The following LRRC49 variants were observed in gnomAD, a reference collection of about 807,000 sequenced individuals.
The protein encoded by LRRC49 is leucine-rich repeat-containing protein 49.
Under a neutral mutation model 83.3 loss-of-function variants are expected in LRRC49, and 50 were observed. That is an observed-to-expected ratio of 0.60 (90% CI 0.48 to 0.76). LRRC49 has a LOEUF of 0.76. Ranked by LOEUF, LRRC49 falls within the 30% of genes least tolerant of loss-of-function variation. LRRC49 has a pLI of 0.00. For missense variants in LRRC49, 704 were observed against 809.1 expected (o/e 0.87, Z 1.58); for synonymous variants, 286 against 283.3 (o/e 1.01, Z -0.10).
At chr15:70,925,454 A>G (rs748124034) in intron 7 of LRRC49, among the ~76,000 whole-genome samples, 1 of 152,154 alleles carries the variant, frequency 6.6e-6, no homozygotes, top group Non-Finnish European at 1.5e-5. Flanking sequence ...GCTGTATTAC[A>G]TTTGTTACTG....
intron 3 of LRRC49, among the ~76,000 whole-genome samples, chr15:70,899,153 T>A (rs910041588): frequency 1.4e-4 from 21 of 152,326 alleles, no homozygotes; most frequent in Admixed American, 1.0e-3. Flanking sequence ...GTAAATTTAA[T>A]CTTTGGTTAT....
chr15:70,891,498 TA>T (rs1265206064), upstream of LRRC49, among the ~76,000 whole-genome samples: 4 of 151,724 alleles, frequency 2.6e-5, no homozygotes, highest in African/African-American at 7.3e-5. Flanking sequence ...TTGCTCAAAT[TA>T]AACCCTTTCT....
rs1354872368 is a variant in LRRC49, at chr15:70,958,694, C to A, written c.774-5091C>A. 2.0e-5 allele frequency among the ~76,000 whole-genome samples: 3 copies of A among 152,284 alleles called. No homozygotes were observed. In the East Asian group the frequency reaches 5.8e-4, roughly 29 times the overall value. ...TAAGTTTAAATTTATAAACTCACAT[C>A]TTCACCTTCATATACTAGTTTGTTA... On this transcript the variant is annotated intron_variant, in intron 8 of 15. Transcript: ENST00000260382.
chr15:71,039,762 C>T (rs1009362527), intron 15 of LRRC49, among the ~76,000 whole-genome samples: 7 of 152,144 alleles, frequency 4.6e-5, no homozygotes, highest in African/African-American at 1.4e-4. Flanking sequence ...CTAAACATGC[C>T]AATTTACATT....
intron 11 of LRRC49, among the ~76,000 whole-genome samples, chr15:70,993,776 G>A (rs2037980581): frequency 6.6e-6 from 1 of 152,064 alleles, no homozygotes; most frequent in Admixed American, 6.5e-5. Context: ...GTTTATCCAA[G>A]TAATATGGAA....
chr15:70,892,976 A>T, intron 1 of LRRC49, 34 bp downstream of exon 1: 1 of 1,610,250 alleles, frequency 6.2e-7, no homozygotes, highest in Non-Finnish European at 8.5e-7. Context: ...CTTTCTTCCC[A>T]CTGGTACTCT....
chr15:70,895,305 C>T (rs1186117079), intron 2 of LRRC49, among the ~76,000 whole-genome samples: 2 of 151,954 alleles, frequency 1.3e-5, no homozygotes, highest in Non-Finnish European at 2.9e-5. Context: ...CTTAAATATA[C>T]AATTTTATTA....
Position 71,049,482 on chromosome 15 carries a change from TG to T in LRRC49, c.1932del (p.Met644IlefsTer23). 1 of 1,613,734 alleles carries T rather than the reference TG, an allele frequency of 6.2e-7. No homozygotes were observed. Among genetic ancestry groups the T allele is most frequent in the Non-Finnish European group, 8.5e-7 (1 of 1,179,686 alleles). The part of the protein sequence containing the change: ...DLVKEATEIN[M>X]KNEALQKLWP... Reference sequence around the variant, plus strand: ...GTGAAGGAAGCCACAGAAATCAACATGAAAAATGAGGCTTTGCAGAAGCTTT... The same window carrying T: ...GTGAAGGAAGCCACAGAAATCAACATAAAAATGAGGCTTTGCAGAAGCTTT... On this transcript the variant is annotated frameshift_variant, in exon 16 of 16. Transcript: ENST00000260382. LOFTEE classifies it high-confidence loss of function.
chr15:70,853,691 G>C (rs545371462), intron 1 of LRRC49, among the ~76,000 whole-genome samples: 82 of 152,252 alleles, frequency 5.4e-4, no homozygotes, highest in Middle Eastern at 6.8e-3. Context: ...GTTGGGCGAC[G>C]AAGCTGCGGG....
upstream of LRRC49, among the ~76,000 whole-genome samples, chr15:70,887,919 A>G (rs1406016612): frequency 6.6e-6 from 1 of 152,218 alleles, no homozygotes; most frequent in African/African-American, 2.4e-5. Flanking sequence ...ATGCACTTAT[A>G]GATTATAAAA....
intron 8 of LRRC49, among the ~76,000 whole-genome samples, chr15:70,944,402 TG>T (rs750286038): frequency 1.7e-4 from 26 of 152,164 alleles, no homozygotes; most frequent in Non-Finnish European, 3.8e-4. Context: ...ATTTCCATAT[TG>T]CTCTTTTTTT....
chr15:70,986,925 G>T (rs1344151489), intron 11 of LRRC49, among the ~76,000 whole-genome samples: 1 of 152,156 alleles, frequency 6.6e-6, no homozygotes, highest in Admixed American at 6.5e-5. Context: ...CTGTTTATAT[G>T]CTGGATTACA....
At chr15:70,867,977 C>T (rs1390578090) in intron 1 of LRRC49, among the ~76,000 whole-genome samples, 2 of 152,096 alleles carry the variant, frequency 1.3e-5, no homozygotes, top group East Asian at 3.9e-4. Flanking sequence ...CCGGCAGCTC[C>T]GTTTCTGGGT....
chr15:70,891,565 C>CTGTGTGTGTG (rs1491474980), upstream of LRRC49, among the ~76,000 whole-genome samples: 5 of 118,952 alleles, frequency 4.2e-5, no homozygotes, highest in South Asian at 3.0e-4. Context: ...CAGGACAAGA[C>CTGTGTGTGTG]TCTGTGTGTG....
intron 8 of LRRC49, among the ~76,000 whole-genome samples, chr15:70,954,297 T>A (rs2036322488): frequency 1.3e-5 from 2 of 152,216 alleles, no homozygotes; most frequent in Non-Finnish European, 2.9e-5. Flanking sequence ...TTCAGTTTGG[T>A]CTTTTTTTAA....
intron 14 of LRRC49, among the ~76,000 whole-genome samples, chr15:71,030,936 A>G (rs551292633): frequency 2.0e-5 from 3 of 150,912 alleles, no homozygotes; most frequent in African/African-American, 7.2e-5. Flanking sequence ...TATCAAGAAC[A>G]TTGGGTTAGA....
chr15:70,928,284 A>G (rs1298100453), intron 7 of LRRC49, among the ~76,000 whole-genome samples: 2 of 152,176 alleles, frequency 1.3e-5, no homozygotes, highest in South Asian at 2.1e-4. Context: ...TATTTTGTGT[A>G]ACTTACTTTT....
At chr15:70,893,921 G>C (rs1437943703) in intron 2 of LRRC49, among the ~76,000 whole-genome samples, 1 of 146,386 alleles carries the variant, frequency 6.8e-6, no homozygotes, top group Admixed American at 6.9e-5. Context: ...GGGTCTAGCT[G>C]TATCACCCAG....
chr15:70,928,531 C>CATTT (rs200085806), intron 7 of LRRC49, among the ~76,000 whole-genome samples: 77 of 151,678 alleles, frequency 5.1e-4, no homozygotes, highest in South Asian at 1.7e-3. Flanking sequence ...TCATAACTTT[C>CATTT]ATTTATTTAT....
Sources: allele counts gnomAD v4.1 joint callset (sites outside exome capture counted in the v4.1 genomes callset), GRCh38; gene constraint gnomAD v4.1.1; transcripts MANE v1.5; gene names NCBI Gene and HGNC (gene_info 2026-07-23, HGNC 2026-07-21).